Variants in RANBP17 observed in about 807,000 individuals in gnomAD.
RANBP17 encodes the protein RAN binding protein 17, also known as ran-binding protein 17.
RANBP17 carries 158 observed loss-of-function variants against 141.2 expected under a neutral mutation model. The observed-to-expected ratio is 1.12, with a 90% CI of 0.98 to 1.28. The LOEUF (loss-of-function observed/expected upper bound fraction) is 1.28. RANBP17 is among the 50% of genes most tolerant of loss of function. The probability of loss-of-function intolerance (pLI) is 0.00; values close to 1 mark genes in which losing one functional copy is unlikely to be tolerated. For synonymous variants in RANBP17, 430 were observed against 450.0 expected, an observed-to-expected ratio of 0.96 and a Z score of 0.56; for missense variants, 1,438 against 1,290.7, an observed-to-expected ratio of 1.11 and a Z score of -1.75.
At chr5:170,869,185 T>C (rs1278412699) in intron 1 of RANBP17, among the ~76,000 whole-genome samples, 7 of 152,238 alleles carry the variant, frequency 4.6e-5, no homozygotes, top group Non-Finnish European at 1.0e-4. Flanking sequence ...CCAGGTCTGT[T>C]CTGTCTTGAG....
intron 13 of RANBP17, among the ~76,000 whole-genome samples, chr5:170,964,795 C>T (rs1052221573): frequency 2.2e-4 from 33 of 152,314 alleles, no homozygotes; most frequent in Non-Finnish European, 4.4e-4. Context: ...TCCAGTCTAT[C>T]ATTGTTGGAC....
At chr5:171,149,079 C>T (rs898270469) in intron 14 of RANBP17, among the ~76,000 whole-genome samples, 26 of 152,162 alleles carry the variant, frequency 1.7e-4, no homozygotes, top group Non-Finnish European at 7.3e-5. Context: ...GTAGCTACCA[C>T]GTACAAGCTA....
intron 14 of RANBP17, among the ~76,000 whole-genome samples, chr5:171,136,854 C>G (rs979207713): frequency 6.6e-6 from 1 of 152,044 alleles, no homozygotes; most frequent in Admixed American, 6.5e-5. Context: ...GAAGCTGTAT[C>G]GTTTGAGTGG....
chr5:171,260,688 T>C (rs906645678), intron 24 of RANBP17, among the ~76,000 whole-genome samples: 2 of 152,126 alleles, frequency 1.3e-5, no homozygotes, highest in African/African-American at 4.8e-5. Context: ...TATATACTTA[T>C]AACAAAACTT....
chr5:171,014,873 A>G (rs1780325267), intron 14 of RANBP17, among the ~76,000 whole-genome samples: 1 of 152,024 alleles, frequency 6.6e-6, no homozygotes, highest in Non-Finnish European at 1.5e-5. Flanking sequence ...CAGCTTTCAT[A>G]TGTCTGGAAA....
chr5:171,160,810 G>T (rs1759294970), intron 14 of RANBP17, among the ~76,000 whole-genome samples: 2 of 150,436 alleles, frequency 1.3e-5, no homozygotes, highest in Non-Finnish European at 3.0e-5. Context: ...TTTTTTTTTT[G>T]AGATGAAGTC....
rs1166369641 is a variant in RANBP17 at position 171,001,986 on chromosome 5, A to G, written c.1710+33609A>G. 4.6e-5 allele frequency among the ~76,000 whole-genome samples: 7 copies of G among 152,102 alleles called. No homozygotes were observed. In the East Asian group the frequency reaches 1.4e-3, roughly 29 times the overall value. ...TAAAGTCAATTTGCTGGTCCTGGGC[A>G]GGGGCAAATCCCCGAGTTTGACGTG... On this transcript the variant is annotated intron_variant, in intron 14 of 27. Coordinates refer to ENST00000523189, the MANE Select transcript of RANBP17 (RefSeq NM_022897.5).
At position 171,205,532 on chromosome 5, in the gene RANBP17, G is replaced by A; in HGVS notation, c.2151G>A (p.Leu717=). The part of the protein sequence containing the change: ...NFKQEDVKRM[L]IGLARDLRGI... ...CTCTTTCCCACTGACAGCGTATGTT[G>A]ATCGGGCTGGCAAGAGATCTTCGAG... is the stretch of plus-strand genomic sequence containing the variant. Residue 717 remains leucine (L), a synonymous_variant, in exon 20 of 28, where the codon TTG becomes TTA. Coordinates refer to ENST00000523189, the MANE Select transcript of RANBP17 (RefSeq NM_022897.5). The A allele has an allele frequency of 6.2e-7, 1 of 1,613,766 alleles. No homozygotes were observed. Among genetic ancestry groups the A allele is most frequent in the Non-Finnish European group, 8.5e-7 (1 of 1,179,782 alleles).
At chr5:171,047,966 A>G (rs1029584451) in intron 14 of RANBP17, among the ~76,000 whole-genome samples, 1 of 152,164 alleles carries the variant, frequency 6.6e-6, no homozygotes, top group Admixed American at 6.5e-5. Context: ...TGGTTCACAA[A>G]TATTTTCTCC....
At chr5:170,921,964 G>A (rs1275434876) in intron 11 of RANBP17, among the ~76,000 whole-genome samples, 1 of 152,102 alleles carries the variant, frequency 6.6e-6, no homozygotes, top group Admixed American at 6.5e-5. Context: ...CATCTTTATG[G>A]TTTTATCTAC....
chr5:170,862,702 A>G (rs2127293159), intron 1 of RANBP17, among the ~76,000 whole-genome samples: 1 of 152,334 alleles, frequency 6.6e-6, no homozygotes, highest in African/African-American at 2.4e-5. Context: ...CGCAGAGGCT[A>G]CGAAGATGGG....
intron 24 of RANBP17, among the ~76,000 whole-genome samples, chr5:171,258,055 G>C (rs1022444907): frequency 6.6e-6 from 1 of 150,998 alleles, no homozygotes; most frequent in African/African-American, 2.4e-5. Context: ...GCAGTGAGCC[G>C]AGATCGCTTC....
At chr5:171,264,399 A>T (rs1766532741) in intron 24 of RANBP17, among the ~76,000 whole-genome samples, 1 of 152,154 alleles carries the variant, frequency 6.6e-6, no homozygotes, top group Non-Finnish European at 1.5e-5. Flanking sequence ...ATTGGAAAAA[A>T]AAATACAATA....
chr5:171,133,139 C>T (rs1757042008), intron 14 of RANBP17, among the ~76,000 whole-genome samples: 1 of 152,172 alleles, frequency 6.6e-6, no homozygotes, highest in South Asian at 2.1e-4. Context: ...CCACCTCAGC[C>T]TCCCAAAGTG....
rs550897472 is a variant in RANBP17, at chr5:170,884,318, A to G, written c.256+2422A>G. On this transcript the variant is annotated intron_variant, in intron 3 of 27. Transcript: ENST00000523189. ...AGTCACAACTTTTGACTCCCCCAAA[A>G]CTTAACTGCTTATAGTCTACTGTTG... Among the ~76,000 whole-genome samples the G allele has an allele frequency of 3.6e-4, 55 of 152,236 alleles. 1 individual carries two copies. The highest frequency in any genetic ancestry group is 3.4e-3 in the Middle Eastern group (1 of 294).
At chr5:170,943,101 G>C (rs1774463919) in intron 12 of RANBP17, among the ~76,000 whole-genome samples, 1 of 152,092 alleles carries the variant, frequency 6.6e-6, no homozygotes, top group Admixed American at 6.5e-5. Context: ...TGCCCTTTTA[G>C]AGATATCTGT....
intron 13 of RANBP17, among the ~76,000 whole-genome samples, chr5:170,958,214 G>A (rs10036014): frequency 0.61 from 93,076 of 151,982 alleles, 29,887 homozygotes; most frequent in South Asian, 0.88. Context: ...TACTCCTGGG[G>A]TATTTCACTT....
At chr5:171,030,271 G>A (rs1471026137) in intron 14 of RANBP17, among the ~76,000 whole-genome samples, 1 of 152,028 alleles carries the variant, frequency 6.6e-6, no homozygotes, top group Non-Finnish European at 1.5e-5. Flanking sequence ...TTCTTTGGCT[G>A]GAAAGGCAAC....
chr5:171,087,651 T>C (rs1378395669), intron 14 of RANBP17, among the ~76,000 whole-genome samples: 8 of 151,804 alleles, frequency 5.3e-5, no homozygotes, highest in Non-Finnish European at 1.0e-4. Flanking sequence ...GGTGCTCCCG[T>C]ATTGGGTGCA....
Sources: gnomAD v4.1 joint callset for allele counts (sites outside exome capture counted in the v4.1 genomes callset) on GRCh38, gnomAD v4.1.1 for gene constraint, MANE v1.5 for transcripts, NCBI Gene and HGNC (gene_info 2026-07-23, HGNC 2026-07-21) for gene names.